METTL24: variants seen among roughly 807,000 people sequenced by gnomAD.
The protein encoded by METTL24 is methyltransferase like 24, also known as probable methyltransferase-like protein 24.
METTL24 carries 29 observed loss-of-function variants against 32.7 expected under a neutral mutation model. The observed-to-expected ratio is 0.89, with a 90% confidence interval of 0.66 to 1.21. The LOEUF (loss-of-function observed/expected upper bound fraction) is 1.21, where lower values mean the gene tolerates loss of function less well. Ranked by LOEUF, METTL24 falls within the 50% of genes most tolerant of loss-of-function variation. METTL24 has a pLI of 0.00. For synonymous variants in METTL24, 163 were observed against 179.5 expected, an observed-to-expected ratio of 0.91 and a Z score of 0.73; for missense variants, 439 against 468.1, an observed-to-expected ratio of 0.94 and a Z score of 0.57.
At chr6:110,305,917 G>A (rs1771619111) in intron 3 of METTL24, among the ~76,000 whole-genome samples, 1 of 152,168 alleles carries the variant, frequency 6.6e-6, no homozygotes. Context: ...CAAAGACTTG[G>A]AACCAACCCA....
At chr6:110,357,042 G>A (rs947962031) in intron 1 of METTL24, among the ~76,000 whole-genome samples, 1 of 152,180 alleles carries the variant, frequency 6.6e-6, no homozygotes, top group Non-Finnish European at 1.5e-5. Flanking sequence ...GGAGGTTGGG[G>A]TGGATGTCTA....
At chr6:110,332,635 C>T (rs1363516374) in intron 1 of METTL24, 17 of 250,626 alleles carry the variant, frequency 6.8e-5, no homozygotes, top group East Asian at 3.6e-4. Context: ...CGGCCAGGCA[C>T]GGTGGTTCAG....
rs1778138225 is a variant in METTL24 at position 110,245,507 on chromosome 6, T to C, written c.*439A>G. On this transcript the variant is annotated 3_prime_UTR_variant, in exon 5 of 5. Coordinates refer to ENST00000338882, the MANE Select transcript of METTL24 (RefSeq NM_001123364.3). ...GTTGTAAAGAATATCATTAACAAGG[T>C]AAATAAGAAAAACCTTGAAAAAGGA... Among the ~76,000 whole-genome samples the C allele has an allele frequency of 6.6e-6, 1 of 152,120 alleles. No homozygotes were observed. Among genetic ancestry groups the C allele is most frequent in the African/African-American group, 2.4e-5 (1 of 41,422 alleles).
At chr6:110,250,926 C>T (rs1778265988) in intron 4 of METTL24, among the ~76,000 whole-genome samples, 1 of 152,232 alleles carries the variant, frequency 6.6e-6, no homozygotes, top group African/African-American at 2.4e-5. Context: ...ACTCAATATC[C>T]TCACATCTAC....
chr6:110,339,348 A>G (rs1772305524), intron 1 of METTL24, among the ~76,000 whole-genome samples: 1 of 152,244 alleles, frequency 6.6e-6, no homozygotes, highest in Non-Finnish European at 1.5e-5. Context: ...AATTTAATTG[A>G]AAATTAGGTA....
intron 1 of METTL24, among the ~76,000 whole-genome samples, chr6:110,331,626 C>A (rs527797786): frequency 1.4e-5 from 2 of 143,396 alleles, no homozygotes; most frequent in East Asian, 4.2e-4. Flanking sequence ...TGCCACTGCA[C>A]TCCAGCCTGT....
chr6:110,331,044 G>A (rs1324982708), intron 1 of METTL24, among the ~76,000 whole-genome samples: 2 of 152,112 alleles, frequency 1.3e-5, no homozygotes, highest in Non-Finnish European at 2.9e-5. Context: ...TGAAACCAAG[G>A]GCAAGATAGA....
At chr6:110,260,770 G>A (rs1310601856) in intron 4 of METTL24, among the ~76,000 whole-genome samples, 3 of 152,128 alleles carry the variant, frequency 2.0e-5, no homozygotes, top group Non-Finnish European at 4.4e-5. Context: ...GTGATCTCTC[G>A]GCAGAAACTC....
intron 2 of METTL24, among the ~76,000 whole-genome samples, chr6:110,320,959 A>T (rs566302566): frequency 6.6e-6 from 1 of 152,246 alleles, no homozygotes; most frequent in African/African-American, 2.4e-5. Flanking sequence ...AAATTTGGCC[A>T]GGCGCAGTGG....
intron 4 of METTL24, among the ~76,000 whole-genome samples, chr6:110,278,129 C>T (rs951298341): frequency 6.6e-6 from 1 of 152,206 alleles, no homozygotes; most frequent in Admixed American, 6.5e-5. Flanking sequence ...CCTTCCTATG[C>T]TCTGTAATTC....
intron 4 of METTL24, among the ~76,000 whole-genome samples, chr6:110,254,566 A>C (rs1778348557): frequency 6.6e-6 from 1 of 152,220 alleles, no homozygotes; most frequent in Non-Finnish European, 1.5e-5. Context: ...CAGAAGGCAG[A>C]GGCTGCAGTG....
In METTL24 at chr6:110,315,363, T is replaced by C; in HGVS notation, c.536A>G (p.Gln179Arg). 6.2e-7 allele frequency: 1 copy of C among 1,614,244 alleles called. No homozygotes were observed. The highest frequency in any genetic ancestry group is 8.5e-7 in the Non-Finnish European group (1 of 1,180,044). The stretch of plus-strand genomic sequence containing the variant: ...TCACCCTAAGGAGTAGAGGCGGCAC[T>C]GCTTGTTGCGGATTTGATGAGCTAA... ...FNLAHQIRNK[Q>R]CRLYSLGLGS... is the part of the protein sequence containing the mutation. Residue 179 changes from glutamine (Q) to arginine (R), a missense_variant, in exon 3 of 5, where the codon CAG becomes CGG. Gln to Arg is a conservative substitution (Grantham distance 43). Transcript: ENST00000338882.
At chr6:110,331,570 A>C (rs144361544) in intron 1 of METTL24, among the ~76,000 whole-genome samples, 49 of 145,146 alleles carry the variant, frequency 3.4e-4, no homozygotes, top group Middle Eastern at 3.4e-3. Context: ...CTGAGGTGAG[A>C]GGATTGCTTG....
At chr6:110,297,325 G>A (rs1771438298) in intron 4 of METTL24, among the ~76,000 whole-genome samples, 1 of 152,168 alleles carries the variant, frequency 6.6e-6, no homozygotes, top group African/African-American at 2.4e-5. Flanking sequence ...TCTAAAATTA[G>A]ATAAATTATA....
At chr6:110,269,426 C>G (rs757895502) in intron 4 of METTL24, among the ~76,000 whole-genome samples, 5 of 152,166 alleles carry the variant, frequency 3.3e-5, no homozygotes, top group Non-Finnish European at 7.3e-5. Context: ...AACATTTTGA[C>G]TTCAGCATTC....
intron 4 of METTL24, among the ~76,000 whole-genome samples, chr6:110,286,232 A>G (rs376508778): frequency 6.6e-6 from 1 of 152,272 alleles, no homozygotes; most frequent in East Asian, 1.9e-4. Context: ...GGCTTTATGC[A>G]CAAAAGAGGG....
intron 4 of METTL24, among the ~76,000 whole-genome samples, chr6:110,284,661 T>C (rs976516860): frequency 3.3e-5 from 5 of 152,154 alleles, no homozygotes; most frequent in Non-Finnish European, 5.9e-5. Context: ...ATTTATCATG[T>C]AGAATTACTT....
intron 2 of METTL24, among the ~76,000 whole-genome samples, chr6:110,318,501 A>G (rs1029913369): frequency 6.6e-6 from 1 of 151,924 alleles, no homozygotes; most frequent in Non-Finnish European, 1.5e-5. Flanking sequence ...AAAACATACA[A>G]AAGTTAGCCG....
intron 3 of METTL24, among the ~76,000 whole-genome samples, chr6:110,306,391 T>C (rs1313902686): frequency 6.6e-6 from 1 of 151,716 alleles, no homozygotes; most frequent in African/African-American, 2.4e-5. Flanking sequence ...ATTTTAGCCA[T>C]TAATTTCCAG....
Sources: gnomAD v4.1 joint callset for allele counts (sites outside exome capture counted in the v4.1 genomes callset) on GRCh38, gnomAD v4.1.1 for gene constraint, MANE v1.5 for transcripts, NCBI Gene and HGNC (gene_info 2026-07-23, HGNC 2026-07-21) for gene names.